Variants in KAZN observed in about 807,000 individuals in gnomAD.
KAZN encodes kazrin.
In KAZN, 40 loss-of-function variants were observed where a neutral mutation model predicts 87.4. The ratio of observed to expected loss-of-function variants is 0.46; its 90% CI spans 0.36 to 0.60. The LOEUF is 0.60. Ranked by LOEUF, KAZN falls within the 20% of genes least tolerant of loss-of-function variation. The pLI is 0.00. For synonymous variants in KAZN, 466 were observed against 458.3 expected, an observed-to-expected ratio of 1.02 and a Z score of -0.22; for missense variants, 898 against 1,073.9, an observed-to-expected ratio of 0.84 and a Z score of 2.29.
At position 14,840,618 on chromosome 1, in the gene KAZN, C is replaced by T. The variant is rs144689378; in HGVS notation, c.227-120066C>T. ...GTGCTAAGTAAGGGCTGCCATTTGG[C>T]GATAAGCTGCCCTCAGAAGTCCAAC... On this transcript the variant is annotated intron_variant, in intron 1 of 14. Coordinates refer to ENST00000376030, the MANE Select transcript of KAZN (RefSeq NM_201628.3). Among the ~76,000 whole-genome samples the T allele has an allele frequency of 1.0e-3, 155 of 152,332 alleles. 1 individual carries two copies. In the East Asian group the frequency reaches 0.02, roughly 20 times the overall value.
intron 2 of KAZN, among the ~76,000 whole-genome samples, chr1:14,416,983 T>C (rs1020428380): frequency 7.4e-6 from 1 of 134,268 alleles, no homozygotes; most frequent in African/African-American, 2.7e-5. Context: ...TATATATGTG[T>C]ATATATATGT....
At chr1:14,565,168 C>T (rs1674484199) in intron 2 of KAZN, among the ~76,000 whole-genome samples, 1 of 152,138 alleles carries the variant, frequency 6.6e-6, no homozygotes, top group Admixed American at 6.5e-5. Context: ...CTTTCCTCTC[C>T]CTCCCTGCCC....
chr1:13,897,892 G>C (rs1047009919), intron 1 of KAZN, among the ~76,000 whole-genome samples: 2 of 152,152 alleles, frequency 1.3e-5, no homozygotes, highest in African/African-American at 2.4e-5. Flanking sequence ...GTCCTGTGAG[G>C]AAGTTCATCC....
At chr1:14,214,946 G>T (rs565292836) in intron 2 of KAZN, among the ~76,000 whole-genome samples, 1 of 152,336 alleles carries the variant, frequency 6.6e-6, no homozygotes, top group Admixed American at 6.5e-5. Context: ...GATAAATTGT[G>T]CTGAGGTTGG....
intron 2 of KAZN, among the ~76,000 whole-genome samples, chr1:14,420,650 C>T (rs985912767): frequency 8.5e-5 from 13 of 152,218 alleles, no homozygotes; most frequent in Non-Finnish European, 1.3e-4. Flanking sequence ...CCTGCCATGC[C>T]GGGAGGCAGT....
In KAZN at chr1:14,949,133, A is replaced by G. The variant is rs144330484; in HGVS notation, c.227-11551A>G. 7.1e-3 allele frequency among the ~76,000 whole-genome samples: 1,055 copies of G among 149,522 alleles called. 10 individuals carry two copies. Among genetic ancestry groups the G allele is most frequent in the African/African-American group, 0.024 (946 of 40,146 alleles). On this transcript the variant is annotated intron_variant, in intron 1 of 14. Transcript: ENST00000376030. This position sits in a 1 kb window ranked among gnomAD's most constrained non-coding sequence, Gnocchi z 4.3. Reference sequence around the variant, plus strand: ...ATGCCACTGCACTCCAGCCTGGGCAACAGAGTGAGACTCCGACTCAAAAAT... The same window carrying G: ...ATGCCACTGCACTCCAGCCTGGGCAGCAGAGTGAGACTCCGACTCAAAAAT...
chr1:14,951,956 G>A (rs1276141930), intron 1 of KAZN, among the ~76,000 whole-genome samples: 1 of 152,180 alleles, frequency 6.6e-6, no homozygotes, highest in African/African-American at 2.4e-5. Flanking sequence ...ACCAGTGCAT[G>A]GCAGGGCGGC....
At chr1:14,042,936 A>G (rs916774062) in intron 1 of KAZN, among the ~76,000 whole-genome samples, 3 of 152,226 alleles carry the variant, frequency 2.0e-5, no homozygotes, top group African/African-American at 7.2e-5. Flanking sequence ...GGTAAAATAT[A>G]CAAAACATAA....
chr1:14,007,722 G>T (rs1483060051), intron 1 of KAZN, among the ~76,000 whole-genome samples: 1 of 152,178 alleles, frequency 6.6e-6, no homozygotes, highest in Non-Finnish European at 1.5e-5. Flanking sequence ...TGGCTCACTT[G>T]GGTGTGAGTG....
intron 1 of KAZN, among the ~76,000 whole-genome samples, chr1:13,900,369 G>A (rs112248240): frequency 1.3e-5 from 2 of 152,288 alleles, no homozygotes; most frequent in African/African-American, 4.8e-5. Flanking sequence ...CCAAGGTAAA[G>A]TATCCCCTAC....
chr1:14,598,904 A>G lies in KAZN; in HGVS notation c.-94A>G, dbSNP rs551402119. ...CGGGCGAAGCCGGGCCGCGGAGGACACAACAGGTAGAGCCGGGGGTGCCCG... is the reference window on the plus strand; with the variant it reads ...CGGGCGAAGCCGGGCCGCGGAGGACGCAACAGGTAGAGCCGGGGGTGCCCG... On this transcript the variant is annotated 5_prime_UTR_variant, in exon 1 of 15. Coordinates refer to ENST00000376030, the MANE Select transcript of KAZN (RefSeq NM_201628.3). This position sits in a 1 kb window ranked among gnomAD's most constrained non-coding sequence, Gnocchi z 4.2. The G allele has an allele frequency of 7.8e-6, 12 of 1,529,414 alleles. No individual in the cohort carries two copies. In the African/African-American group the frequency reaches 1.3e-4, roughly 17 times the overall value. 94.7% of individuals were successfully genotyped at this position (1,529,414 alleles called of 1,614,324 possible). A position where few individuals can be genotyped will look rare whatever the true frequency, so the allele number is the denominator to read the frequency against.
Position 13,949,331 on chromosome 1 carries a change from G to C in KAZN, c.91+55575G>C, listed in dbSNP as rs528504059. ...GCTCTTGTACTTGGAGACAATTTCT[G>C]CAGGGGCCTGGGCCAGCAGAAATAC... On this transcript the variant is annotated intron_variant, in intron 1 of 16. Coordinates refer to the KAZN transcript ENST00000636203. Among the ~76,000 whole-genome samples the C allele has an allele frequency of 3.3e-5, 5 of 152,122 alleles. No individual in the cohort carries two copies. In the South Asian group the frequency reaches 1.0e-3, roughly 32 times the overall value.
At chr1:14,408,574 C>T (rs1306836377) in intron 2 of KAZN, among the ~76,000 whole-genome samples, 3 of 152,168 alleles carry the variant, frequency 2.0e-5, no homozygotes, top group South Asian at 4.1e-4. Context: ...CAGGTTCCAT[C>T]GTCTCAACTG....
At chr1:14,146,551 A>G (rs997925757) in intron 1 of KAZN, among the ~76,000 whole-genome samples, 1 of 150,290 alleles carries the variant, frequency 6.7e-6, no homozygotes, top group Non-Finnish European at 1.5e-5. Flanking sequence ...AAAAAAAAAA[A>G]AAAAAAGAAA....
At chr1:14,393,245 G>A (rs1182514598) in intron 2 of KAZN, among the ~76,000 whole-genome samples, 1 of 152,132 alleles carries the variant, frequency 6.6e-6, no homozygotes, top group Admixed American at 6.5e-5. Context: ...GAACCATCTC[G>A]TGTATCACCT....
chr1:14,871,649 A>AGTGTGTGTGTGTGTGTGTGTGT (rs3033520), intron 1 of KAZN, among the ~76,000 whole-genome samples: 3 of 144,648 alleles, frequency 2.1e-5, no homozygotes, highest in African/African-American at 7.7e-5. Context: ...CATGAGCAGC[A>AGTGTGTGTGTGTGTGTGTGTGT]GTGTGTGTGT....
intron 2 of KAZN, among the ~76,000 whole-genome samples, chr1:14,964,122 T>C (rs1297867634): frequency 6.6e-6 from 1 of 152,174 alleles, no homozygotes; most frequent in African/African-American, 2.4e-5. Flanking sequence ...AGTAGAATGA[T>C]TTATAATCCT....
At chr1:13,894,023 G>A (rs142850872) in intron 1 of KAZN, among the ~76,000 whole-genome samples, 254 of 152,318 alleles carry the variant, frequency 1.7e-3, no homozygotes, top group Middle Eastern at 6.8e-3. Context: ...CTTCGTCATC[G>A]ATTTTCTCTG....
chr1:14,873,680 G>A (rs929586050), intron 1 of KAZN, among the ~76,000 whole-genome samples: 1 of 152,214 alleles, frequency 6.6e-6, no homozygotes, highest in Non-Finnish European at 1.5e-5. Context: ...GGAGGGATTG[G>A]ATCTGACATA....
Sources: allele counts gnomAD v4.1 joint callset (sites outside exome capture counted in the v4.1 genomes callset), GRCh38; gene constraint gnomAD v4.1.1; non-coding constraint Gnocchi (gnomAD v3.1); transcripts MANE v1.5; gene names NCBI Gene and HGNC (gene_info 2026-07-23, HGNC 2026-07-21).